The following BTBD9 variants were observed in gnomAD, a reference collection of about 807,000 sequenced individuals.
BTBD9 encodes BTB domain containing 9, also known as BTB/POZ domain-containing protein 9.
BTBD9 carries 49 observed loss-of-function variants against 64.3 expected under a neutral mutation model. The ratio of observed to expected loss-of-function variants is 0.76; its 90% CI spans 0.61 to 0.97. BTBD9 has a LOEUF of 0.97. Ranked by LOEUF, BTBD9 falls within the 50% of genes least tolerant of loss-of-function variation. The probability of loss-of-function intolerance (pLI) is 0.00; values close to 1 mark genes in which losing one functional copy is unlikely to be tolerated. For synonymous variants in BTBD9, 260 were observed against 274.7 expected, an observed-to-expected ratio of 0.95 and a Z score of 0.53; for missense variants, 598 against 762.1, an observed-to-expected ratio of 0.78 and a Z score of 2.53.
intron 6 of BTBD9, among the ~76,000 whole-genome samples, chr6:38,572,457 C>T (rs555503820): frequency 4.6e-5 from 7 of 152,216 alleles, no homozygotes; most frequent in African/African-American, 1.4e-4. Context: ...GACAGCCTAG[C>T]AGATGCTCTA....
chr6:38,201,028 ATAAAG>A (rs1359021772), intron 9 of BTBD9, among the ~76,000 whole-genome samples: 1 of 151,692 alleles, frequency 6.6e-6, no homozygotes, highest in Non-Finnish European at 1.5e-5. Flanking sequence ...TATAAAAAAA[ATAAAG>A]TAAAAATAAA....
intron 6 of BTBD9, among the ~76,000 whole-genome samples, chr6:38,354,291 C>T (rs1172973741): frequency 1.3e-5 from 2 of 152,178 alleles, no homozygotes; most frequent in African/African-American, 2.4e-5. Flanking sequence ...AAGCTAATCA[C>T]TTCTGCATAT....
At chr6:38,413,891 T>C (rs1767549597) in intron 6 of BTBD9, among the ~76,000 whole-genome samples, 1 of 152,142 alleles carries the variant, frequency 6.6e-6, no homozygotes, top group African/African-American at 2.4e-5. Flanking sequence ...TAATAATCCA[T>C]AAAATGGTTG....
chr6:38,346,960 T>G (rs1416836115), intron 6 of BTBD9, among the ~76,000 whole-genome samples: 1 of 152,210 alleles, frequency 6.6e-6, no homozygotes, highest in East Asian at 1.9e-4. Flanking sequence ...ACAGCTCTCC[T>G]ACTGTGCACA....
intron 1 of BTBD9, among the ~76,000 whole-genome samples, chr6:38,607,165 A>G (rs868246598): frequency 1.2e-4 from 18 of 152,328 alleles, no homozygotes; most frequent in Middle Eastern, 6.8e-3. Flanking sequence ...TGTACAATCT[A>G]GTTACTTAAA....
At chr6:38,575,318 T>C (rs1445869196) in intron 6 of BTBD9, among the ~76,000 whole-genome samples, 2 of 152,172 alleles carry the variant, frequency 1.3e-5, no homozygotes, top group African/African-American at 4.8e-5. Context: ...GTCTGAGCAC[T>C]GTGCAAGAAT....
At chr6:38,598,250 G>T in intron 1 of BTBD9, 129 bp from the exon 2 acceptor site, 2 of 652,722 alleles carry the variant, frequency 3.1e-6, no homozygotes, top group Non-Finnish European at 2.5e-6. Flanking sequence ...GTTAATCAAT[G>T]GTATCCTTAT....
chr6:38,313,934 G>A (rs1478084983), intron 7 of BTBD9, among the ~76,000 whole-genome samples: 2 of 151,626 alleles, frequency 1.3e-5, no homozygotes, highest in African/African-American at 4.8e-5. Context: ...ATTTTTAGTA[G>A]AGATGGGGTT....
intron 8 of BTBD9, among the ~76,000 whole-genome samples, chr6:38,271,679 C>T (rs1021940119): frequency 6.6e-6 from 1 of 152,098 alleles, no homozygotes; most frequent in East Asian, 1.9e-4. Flanking sequence ...TTACCAACCC[C>T]AGGCATAGAC....
At position 38,456,868 on chromosome 6, in the gene BTBD9, C is replaced by T. The variant is rs777503395; in HGVS notation, c.1155-111775G>A. 9.2e-5 allele frequency among the ~76,000 whole-genome samples: 14 copies of T among 152,284 alleles called. No individual in the cohort carries two copies. In the South Asian group the frequency reaches 1.2e-3, roughly 14 times the overall value. On this transcript the variant is annotated intron_variant, in intron 6 of 10. Transcript: ENST00000481247. The stretch of plus-strand genomic sequence containing the variant: ...GAAATATATCATTCCCCTGCTCAAA[C>T]AATTTGCCATACCCTTTCACTAAAT...
chr6:38,598,160 G>T, intron 1 of BTBD9, 39 bp from the exon 2 acceptor site: 1 of 1,461,890 alleles, frequency 6.8e-7, no homozygotes. Flanking sequence ...GTTGGGGGAG[G>T]GGAGTACACA....
chr6:38,492,159 C>T (rs1054774577), intron 6 of BTBD9, among the ~76,000 whole-genome samples: 6 of 152,110 alleles, frequency 3.9e-5, no homozygotes, highest in Admixed American at 1.3e-4. Context: ...CAAAGGCCAG[C>T]CTTTCCATCC....
chr6:38,495,878 A>G (rs1303967377), intron 6 of BTBD9, among the ~76,000 whole-genome samples: 1 of 152,192 alleles, frequency 6.6e-6, no homozygotes, highest in African/African-American at 2.4e-5. Context: ...CATCTTAATT[A>G]CTTTCTTCTG....
chr6:38,357,406 G>T (rs1025151748), intron 6 of BTBD9, among the ~76,000 whole-genome samples: 1 of 152,038 alleles, frequency 6.6e-6, no homozygotes, highest in African/African-American at 2.4e-5. Flanking sequence ...ATCCTTGTGG[G>T]TTTACACCTA....
At chr6:38,397,399 A>G (rs1345382990) in intron 6 of BTBD9, among the ~76,000 whole-genome samples, 1 of 152,246 alleles carries the variant, frequency 6.6e-6, no homozygotes, top group Non-Finnish European at 1.5e-5. Flanking sequence ...ATTGCCAGAT[A>G]GAAATGACTG....
At chr6:38,306,898 C>T (rs546399232) in intron 7 of BTBD9, among the ~76,000 whole-genome samples, 4 of 152,324 alleles carry the variant, frequency 2.6e-5, no homozygotes, top group African/African-American at 9.6e-5. Context: ...CAATGTTTCC[C>T]TGGCTGTTTT....
chr6:38,559,383 T>C (rs73412319), intron 6 of BTBD9, among the ~76,000 whole-genome samples: 2,944 of 151,252 alleles, frequency 0.019, 94 homozygotes, highest in African/African-American at 0.067. Flanking sequence ...AGGTGAAAGA[T>C]CTCTACAAGG....
At chr6:38,562,323 CTCTCGTCTTTAAAAAGTACATGCATT>C (rs1384451755) in intron 6 of BTBD9, among the ~76,000 whole-genome samples, 1 of 152,114 alleles carries the variant, frequency 6.6e-6, no homozygotes, top group African/African-American at 2.4e-5. Flanking sequence ...GCTTTAGCAC[CTCTCGTCTTTAAAAAGTACATGCATT>C]TCTAGTGTCC....
intron 6 of BTBD9, among the ~76,000 whole-genome samples, chr6:38,386,563 T>G (rs1766176769): frequency 6.6e-6 from 1 of 151,924 alleles, no homozygotes; most frequent in Non-Finnish European, 1.5e-5. Context: ...ATTTTAAAAT[T>G]CTGATCAATA....
Sources: gnomAD v4.1 joint callset for allele counts (sites outside exome capture counted in the v4.1 genomes callset) on GRCh38, gnomAD v4.1.1 for gene constraint, MANE v1.5 for transcripts, NCBI Gene and HGNC (gene_info 2026-07-23, HGNC 2026-07-21) for gene names.